Variants in BTBD7 observed in about 807,000 individuals in gnomAD.
BTBD7 encodes BTB domain containing 7.
Under a neutral mutation model 99.9 loss-of-function variants are expected in BTBD7, and 38 were observed. The observed-to-expected ratio is 0.38, with a 90% CI of 0.29 to 0.50. BTBD7 has a LOEUF of 0.50. BTBD7 is among the 20% of genes least tolerant of loss of function. The pLI is 0.93. For missense variants in BTBD7, 1,170 were observed against 1,394.6 expected, an observed-to-expected ratio of 0.84 and a Z score of 2.57; for synonymous variants, 520 against 511.4, an observed-to-expected ratio of 1.02 and a Z score of -0.23.
At chr14:93,261,071 A>C (rs1311474427) in intron 5 of BTBD7, among the ~76,000 whole-genome samples, 2 of 152,100 alleles carry the variant, frequency 1.3e-5, no homozygotes, top group African/African-American at 2.4e-5. Flanking sequence ...TTGTATTTTT[A>C]GTAGAGGCGG....
At chr14:93,267,615 G>C (rs78579878) in intron 3 of BTBD7, among the ~76,000 whole-genome samples, 2,813 of 152,248 alleles carry the variant, frequency 0.018, 78 homozygotes, top group African/African-American at 0.064. Flanking sequence ...ACTTTCACAT[G>C]GATTTTCCAC....
At chr14:93,291,368 T>C (rs567712458) in intron 3 of BTBD7, among the ~76,000 whole-genome samples, 12 of 152,324 alleles carry the variant, frequency 7.9e-5, no homozygotes, top group Non-Finnish European at 1.6e-4. Context: ...CTATGTGACT[T>C]GGTTAAGGTC....
chr14:93,265,095 C>T (rs745904979), intron 3 of BTBD7, among the ~76,000 whole-genome samples: 1 of 151,924 alleles, frequency 6.6e-6, no homozygotes, highest in South Asian at 2.1e-4. Flanking sequence ...AGCAAGACTC[C>T]GTCTCAAATA....
intron 3 of BTBD7, 51 bp from the exon 4 acceptor site, chr14:93,264,044 T>G: frequency 6.7e-7 from 1 of 1,495,234 alleles, no homozygotes; most frequent in Non-Finnish European, 9.3e-7. Context: ...TATTACTTAT[T>G]GAACATTAGT....
intron 3 of BTBD7, among the ~76,000 whole-genome samples, chr14:93,280,216 G>A (rs11628538): frequency 0.17 from 25,457 of 152,134 alleles, 2,355 homozygotes; most frequent in East Asian, 0.31. Context: ...ACTTCTGACT[G>A]CTCATAATTA....
At chr14:93,300,254 GTTCTTTTT>G (rs2052978485) in intron 1 of BTBD7, among the ~76,000 whole-genome samples, 1 of 136,946 alleles carries the variant, frequency 7.3e-6, no homozygotes, top group African/African-American at 2.6e-5. Context: ...TTCTTTCTTT[GTTCTTTTT>G]TTTTTTTTTT....
At chr14:93,276,774 G>A (rs2052660419) in intron 3 of BTBD7, among the ~76,000 whole-genome samples, 2 of 151,966 alleles carry the variant, frequency 1.3e-5, no homozygotes, top group Admixed American at 6.6e-5. Context: ...AACAAAGCTG[G>A]AAAAGCAGCT....
At chr14:93,280,077 T>C (rs2139738243) in intron 3 of BTBD7, among the ~76,000 whole-genome samples, 1 of 152,220 alleles carries the variant, frequency 6.6e-6, no homozygotes, top group East Asian at 1.9e-4. Context: ...TTAGAAGTGG[T>C]GTTCACACCA....
rs1349281941 is a variant in BTBD7 at position 93,240,963 on chromosome 14, A to G, written c.*1310T>C. The G allele has an allele frequency of 6.6e-6, 1 of 152,558 alleles. No individual in the cohort carries two copies. Among genetic ancestry groups the G allele is most frequent in the Non-Finnish European group, 1.5e-5 (1 of 68,050 alleles). 9.5% of individuals were successfully genotyped at this position (152,558 alleles called of 1,614,324 possible). On this transcript the variant is annotated 3_prime_UTR_variant, in exon 11 of 11. Transcript: ENST00000334746. Reference sequence around the variant, plus strand: ...ACATATTTTGAAAATCGTTTAAAAGAAAACGTATCTTTACAAACACCAAAT... The same window carrying G: ...ACATATTTTGAAAATCGTTTAAAAGGAAACGTATCTTTACAAACACCAAAT...
Position 93,275,213 on chromosome 14 carries a change from C to A in BTBD7, c.1163-11220G>T, listed in dbSNP as rs943560236. 2.0e-5 allele frequency among the ~76,000 whole-genome samples: 3 copies of A among 152,304 alleles called. No individual in the cohort carries two copies. In the South Asian group the frequency reaches 6.2e-4, roughly 32 times the overall value. On this transcript the variant is annotated intron_variant, in intron 3 of 10. Transcript: ENST00000334746. ...ATCTTAGGGTCTACTTGTTGCACTA[C>A]ATTTATGGCCACCTTAGTAATATAC...
intron 1 of BTBD7, among the ~76,000 whole-genome samples, chr14:93,319,273 G>A (rs2053242824): frequency 6.6e-6 from 1 of 152,124 alleles, no homozygotes; most frequent in Admixed American, 6.5e-5. Context: ...GTCCTTGCAG[G>A]ATGTTAAACT....
At chr14:93,289,196 T>C (rs935422467) in intron 3 of BTBD7, among the ~76,000 whole-genome samples, 1 of 152,180 alleles carries the variant, frequency 6.6e-6, no homozygotes, top group African/African-American at 2.4e-5. Flanking sequence ...CATGCATACA[T>C]AGCAGCTTTA....
chr14:93,317,903 C>T (rs1013176135), intron 1 of BTBD7, among the ~76,000 whole-genome samples: 1 of 152,210 alleles, frequency 6.6e-6, no homozygotes, highest in Non-Finnish European at 1.5e-5. Flanking sequence ...GGCAGTGAGT[C>T]TCTTATAAGC....
intron 3 of BTBD7, among the ~76,000 whole-genome samples, chr14:93,264,267 A>C (rs1301279656): frequency 1.3e-5 from 2 of 152,228 alleles, no homozygotes; most frequent in Non-Finnish European, 2.9e-5. Context: ...CAAACCAATA[A>C]TGTGAGTAAG....
chr14:93,293,772 A>T, intron 3 of BTBD7, 86 bp downstream of exon 3: 1 of 1,488,846 alleles, frequency 6.7e-7, no homozygotes, highest in Non-Finnish European at 9.0e-7. Context: ...CAAACACTGA[A>T]ATCATAGAAT....
chr14:93,264,321 G>A (rs1477873602), intron 3 of BTBD7, among the ~76,000 whole-genome samples: 2 of 152,186 alleles, frequency 1.3e-5, no homozygotes, highest in Non-Finnish European at 1.5e-5. Context: ...AAGAAGAGTA[G>A]GCAAAAAGGC....
intron 1 of BTBD7, among the ~76,000 whole-genome samples, chr14:93,300,919 G>A (rs972675223): frequency 6.6e-6 from 1 of 151,574 alleles, no homozygotes; most frequent in African/African-American, 2.4e-5. Flanking sequence ...CCAGCTGGAA[G>A]GTATTTCCAT....
chr14:93,295,907 T>C, intron 2 of BTBD7, 63 bp downstream of exon 2: 3 of 1,477,390 alleles, frequency 2.0e-6, no homozygotes, highest in Non-Finnish European at 1.9e-6. Flanking sequence ...CTACAGAGAC[T>C]ACCGAAAACA....
intron 3 of BTBD7, among the ~76,000 whole-genome samples, chr14:93,269,801 T>G (rs906565979): frequency 3.3e-5 from 5 of 152,128 alleles, no homozygotes; most frequent in African/African-American, 9.7e-5. Context: ...CCTTTCCTCT[T>G]TAGGGAACTG....
Sources: allele counts gnomAD v4.1 joint callset (sites outside exome capture counted in the v4.1 genomes callset), GRCh38; gene constraint gnomAD v4.1.1; transcripts MANE v1.5; gene names NCBI Gene and HGNC (gene_info 2026-07-23, HGNC 2026-07-21).